Variants in ANGPTL2 observed in about 807,000 individuals in gnomAD.
The protein encoded by ANGPTL2 is angiopoietin like 2.
In ANGPTL2, 25 loss-of-function variants were observed where a neutral mutation model predicts 52.8. The ratio of observed to expected loss-of-function variants is 0.47; its 90% CI spans 0.35 to 0.66. The LOEUF is 0.66. ANGPTL2 is among the 30% of genes least tolerant of loss of function. The pLI is 0.01. For missense variants in ANGPTL2, 546 were observed against 656.9 expected, an observed-to-expected ratio of 0.83 and a Z score of 1.84; for synonymous variants, 276 against 277.4, an observed-to-expected ratio of 1.00 and a Z score of 0.05.
intron 2 of ANGPTL2, among the ~76,000 whole-genome samples, chr9:127,097,305 G>A (rs539328639): frequency 6.6e-6 from 1 of 152,112 alleles, no homozygotes; most frequent in Non-Finnish European, 1.5e-5. Flanking sequence ...TTCTTTTAAG[G>A]CTTTCTAGAA....
chr9:127,109,360 G>A (rs2054574362), intron 1 of ANGPTL2, among the ~76,000 whole-genome samples: 1 of 152,178 alleles, frequency 6.6e-6, no homozygotes, highest in African/African-American at 2.4e-5. Context: ...TGCACTTTGG[G>A]CAAATATTTG....
rs570281630 is a variant in ANGPTL2 at position 127,105,719 on chromosome 9, A to T, written c.817+2196T>A. ...CTCCCTCCCAGAGAAATCCATTGTC[A>T]GATCTGATGTGCTGATGTTAGGGAC... is the stretch of plus-strand genomic sequence containing the variant. On this transcript the variant is annotated intron_variant, in intron 2 of 4. Transcript: ENST00000373425. Among the ~76,000 whole-genome samples, 5 of 152,332 alleles carry T rather than the reference A, an allele frequency of 3.3e-5. No individual in the cohort carries two copies. The East Asian group carries it at 7.7e-4, about 23-fold the overall frequency.
rs1371903380 is a variant in ANGPTL2, at chr9:127,093,935, A to C, written c.818-9T>G. The stretch of plus-strand genomic sequence containing the variant: ...GCAGTCTCTCCATGGGCCTGGGGAC[A>C]CAGACATGCATATACATCACAGACC... On this transcript the variant is annotated splice_polypyrimidine_tract_variant and intron_variant, in intron 2 of 4. Coordinates refer to ENST00000373425, the MANE Select transcript of ANGPTL2 (RefSeq NM_012098.3). 1 of 1,613,002 alleles carries C rather than the reference A, an allele frequency of 6.2e-7. No homozygotes were observed. Among genetic ancestry groups the C allele is most frequent in the Non-Finnish European group, 8.5e-7 (1 of 1,179,908 alleles).
Position 127,093,810 on chromosome 9 carries a change from C to T in ANGPTL2, c.934G>A (p.Asp312Asn), listed in dbSNP as rs901028778. The change falls in exon 3 of 5, where the codon GAC becomes AAC. Residue 312 changes from aspartate (D) to asparagine (N), a missense_variant. Coordinates refer to ENST00000373425, the MANE Select transcript of ANGPTL2 (RefSeq NM_012098.3). ...LMQVWCDQRH[D>N]PGGWTVIQRR... ...TGGATGACGGTCCAGCCCCCGGGGT[C>T]GTGTCTCTGGTCGCACCACACCTGC... is the stretch of plus-strand genomic sequence containing the variant. 6.2e-6 allele frequency: 10 copies of T among 1,614,062 alleles called. No homozygotes were observed. The highest frequency in any genetic ancestry group is 8.5e-6 in the Non-Finnish European group (10 of 1,180,016).
chr9:127,099,875 C>T (rs1037878131), intron 2 of ANGPTL2, among the ~76,000 whole-genome samples: 6 of 152,212 alleles, frequency 3.9e-5, no homozygotes, highest in Non-Finnish European at 8.8e-5. Flanking sequence ...TTTCAGGCCG[C>T]TTTAGCCCTC....
rs2051939144 is a variant in ANGPTL2, at chr9:127,087,725, A to G, written c.*1214T>C. 6.6e-6 allele frequency: 1 copy of G among 152,092 alleles called. No individual in the cohort carries two copies. The highest frequency in any genetic ancestry group is 1.5e-5 in the Non-Finnish European group (1 of 68,020). 9.4% of individuals were successfully genotyped at this position (152,092 alleles called of 1,614,324 possible). A position where few individuals can be genotyped will look rare whatever the true frequency, so the allele number is the denominator to read the frequency against. ...AACTCCTGAGAAGTGGCCTGTTTTC[A>G]TTTTTGTGGCACTTGTTCTCCAGGG... On this transcript the variant is annotated 3_prime_UTR_variant, in exon 5 of 5. Transcript: ENST00000373425.
At chr9:127,121,264 A>C (rs1407190163) in intron 1 of ANGPTL2, among the ~76,000 whole-genome samples, 1 of 152,356 alleles carries the variant, frequency 6.6e-6, no homozygotes, top group Admixed American at 6.5e-5. Flanking sequence ...TTCACAGATA[A>C]GAAAACTGAG....
intron 2 of ANGPTL2, among the ~76,000 whole-genome samples, chr9:127,101,128 T>C (rs10987561): frequency 0.023 from 3,504 of 152,314 alleles, 75 homozygotes; most frequent in Non-Finnish European, 0.034. Flanking sequence ...TTTATCCTTT[T>C]CAGTGTTCCC....
At chr9:127,104,914 G>T (rs930005142) in intron 2 of ANGPTL2, among the ~76,000 whole-genome samples, 1 of 152,346 alleles carries the variant, frequency 6.6e-6, no homozygotes, top group Non-Finnish European at 1.5e-5. Context: ...TGTCTTCCAG[G>T]ATAAGAACCT....
At chr9:127,090,798 G>A (rs1236930442) in intron 4 of ANGPTL2, among the ~76,000 whole-genome samples, 1 of 152,222 alleles carries the variant, frequency 6.6e-6, no homozygotes, top group African/African-American at 2.4e-5. Flanking sequence ...GCCTCAGGGA[G>A]GAGCATGGCA....
At chr9:127,102,173 A>G (rs1043792308) in intron 2 of ANGPTL2, among the ~76,000 whole-genome samples, 19 of 152,208 alleles carry the variant, frequency 1.2e-4, no homozygotes, top group African/African-American at 4.6e-4. Context: ...CATTACTTTT[A>G]CAAGACTGAA....
rs2054506080 is a variant in ANGPTL2 at position 127,108,680 on chromosome 9, C to T, written c.52G>A (p.Gly18Arg). The change falls in exon 2 of 5, where the codon GGA (glycine) becomes AGA (arginine). Residue 18 changes from glycine (G) to arginine (R), a missense_variant. This residue lies in a region of ANGPTL2 where 285 missense variants were observed against 295.8 expected (regional missense o/e 0.96). Transcript: ENST00000373425. ...CWWLGLLAAM[G>R]AVAGQEDGFE... The stretch of plus-strand genomic sequence containing the variant: ...CCGTCCTCCTGGCCTGCAACAGCTC[C>T]CATGGCAGCCAGCAGTCCGAGCCAC... 1 of 1,613,416 alleles carries T rather than the reference C, an allele frequency of 6.2e-7. No homozygotes were observed. Among genetic ancestry groups the T allele is most frequent in the Non-Finnish European group, 8.5e-7 (1 of 1,179,838 alleles).
chr9:127,094,038 G>A, intron 2 of ANGPTL2, 112 bp from the exon 3 acceptor site: 1 of 1,253,942 alleles, frequency 8.0e-7, no homozygotes, highest in Non-Finnish European at 1.1e-6. Context: ...GGGAGCCACA[G>A]GCCCACGGTC....
intron 2 of ANGPTL2, among the ~76,000 whole-genome samples, chr9:127,101,260 C>T (rs1249442667): frequency 6.6e-6 from 1 of 152,248 alleles, no homozygotes; most frequent in Non-Finnish European, 1.5e-5. Flanking sequence ...TAAGCCCCTG[C>T]ACCTGTGAGA....
At chr9:127,119,711 G>A (rs2055843665) in intron 1 of ANGPTL2, among the ~76,000 whole-genome samples, 2 of 152,194 alleles carry the variant, frequency 1.3e-5, no homozygotes, top group South Asian at 4.1e-4. Flanking sequence ...CTCTGCCCGT[G>A]AGCTTCAGCA....
chr9:127,104,447 C>CTATTAGAATAGGTGGGGCAAT (rs1328027702), intron 2 of ANGPTL2, among the ~76,000 whole-genome samples: 18 of 152,352 alleles, frequency 1.2e-4, no homozygotes, highest in African/African-American at 4.3e-4. Context: ...ATAGCAGCAG[C>CTATTAGAATAGGTGGGGCAAT]AGGATAGGTG....
At chr9:127,113,148 A>C (rs529080495) in intron 1 of ANGPTL2, among the ~76,000 whole-genome samples, 1 of 152,196 alleles carries the variant, frequency 6.6e-6, no homozygotes, top group Non-Finnish European at 1.5e-5. Context: ...GGCGCCTGAC[A>C]TACATTGTCC....
At chr9:127,114,624 C>T (rs2055204510) in intron 1 of ANGPTL2, among the ~76,000 whole-genome samples, 2 of 152,216 alleles carry the variant, frequency 1.3e-5, no homozygotes, top group South Asian at 4.1e-4. Context: ...TACAGAACCA[C>T]CCCCTCACCA....
intron 4 of ANGPTL2, among the ~76,000 whole-genome samples, chr9:127,090,773 C>T (rs541644303): frequency 3.9e-5 from 6 of 152,274 alleles, no homozygotes; most frequent in Admixed American, 2.6e-4. Flanking sequence ...CAGCATCGGC[C>T]GTCAGGTGGT....
Sources: allele counts gnomAD v4.1 joint callset (sites outside exome capture counted in the v4.1 genomes callset), GRCh38; gene constraint gnomAD v4.1.1; regional missense constraint gnomAD v4.1.1; transcripts MANE v1.5; gene names NCBI Gene and HGNC (gene_info 2026-07-23, HGNC 2026-07-21).